Variants in GSE1 observed in about 807,000 individuals in gnomAD.
GSE1 encodes the protein genetic suppressor element 1.
A neutral mutation model predicts 112.6 loss-of-function variants in GSE1; 32 were observed. The observed-to-expected ratio is 0.28, with a 90% CI of 0.21 to 0.38. GSE1 has a LOEUF of 0.38. Among genes scored for constraint, GSE1 ranks in the 10% least tolerant of loss-of-function variants. The probability of loss-of-function intolerance (pLI) is 1.00; values close to 1 mark genes in which losing one functional copy is unlikely to be tolerated. For synonymous variants in GSE1, 1,115 were observed against 735.6 expected (o/e 1.52, Z -8.35); for missense variants, 2,348 against 1,699.2 (o/e 1.38, Z -6.71).
At chr16:85,225,671 G>C (rs1168150457) in intron 1 of GSE1, among the ~76,000 whole-genome samples, 1 of 152,192 alleles carries the variant, frequency 6.6e-6, no homozygotes, top group African/African-American at 2.4e-5. Flanking sequence ...TGGCCATTCT[G>C]ACACCACTCT....
chr16:85,565,175 A>C (rs1028907480), intron 1 of GSE1, among the ~76,000 whole-genome samples: 18 of 152,092 alleles, frequency 1.2e-4, no homozygotes, highest in African/African-American at 4.3e-4. Context: ...GTGGATCACG[A>C]GGTCACGAGT....
intron 2 of GSE1, among the ~76,000 whole-genome samples, chr16:85,447,673 G>A (rs1290803237): frequency 6.6e-6 from 1 of 152,196 alleles, no homozygotes; most frequent in Admixed American, 6.5e-5. Flanking sequence ...AGGCTCTGTG[G>A]GGCTCGGAGC....
chr16:85,339,397 C>T (rs1187609297), intron 1 of GSE1, among the ~76,000 whole-genome samples: 1 of 152,100 alleles, frequency 6.6e-6, no homozygotes, highest in East Asian at 1.9e-4. Flanking sequence ...GCGGTGCTGA[C>T]GAGGCCCTGG....
intron 1 of GSE1, among the ~76,000 whole-genome samples, chr16:85,230,122 C>G (rs1904274641): frequency 6.6e-6 from 1 of 152,240 alleles, no homozygotes; most frequent in South Asian, 2.1e-4. Flanking sequence ...GAGCCCTGCA[C>G]TGTAAGTGGT....
chr16:85,394,359 A>C (rs747406453), intron 2 of GSE1, among the ~76,000 whole-genome samples: 4 of 152,170 alleles, frequency 2.6e-5, no homozygotes, highest in Non-Finnish European at 5.9e-5. Context: ...ACGCTGCTCT[A>C]ATTTGATGGG....
chr16:85,271,421 C>G (rs1908823074), intron 1 of GSE1, among the ~76,000 whole-genome samples: 1 of 152,204 alleles, frequency 6.6e-6, no homozygotes, highest in South Asian at 2.1e-4. Flanking sequence ...TATTCAGAAT[C>G]TGGTACAGGA....
chr16:85,447,796 G>A (rs1284572786), intron 2 of GSE1, among the ~76,000 whole-genome samples: 2 of 152,234 alleles, frequency 1.3e-5, no homozygotes, highest in Admixed American at 6.5e-5. Flanking sequence ...TAGGTGTGAG[G>A]TCAGACCCTG....
intron 1 of GSE1, among the ~76,000 whole-genome samples, chr16:85,585,918 C>G (rs2046670370): frequency 6.6e-6 from 1 of 152,140 alleles, no homozygotes; most frequent in Non-Finnish European, 1.5e-5. Flanking sequence ...GCTGTGTGAC[C>G]TTGGGCAAGT....
chr16:85,250,009 G>C (rs1906289608), intron 1 of GSE1, among the ~76,000 whole-genome samples: 1 of 152,222 alleles, frequency 6.6e-6, no homozygotes, highest in Non-Finnish European at 1.5e-5. Flanking sequence ...AGCTGTTGCG[G>C]GGTCCTCTGG....
At chr16:85,602,743 T>C (rs2047521220) in intron 1 of GSE1, among the ~76,000 whole-genome samples, 1 of 152,162 alleles carries the variant, frequency 6.6e-6, no homozygotes, top group East Asian at 1.9e-4. Flanking sequence ...AGACAGTTCC[T>C]CCCGGGCTTT....
chr16:85,295,235 G>A (rs972067164), intron 1 of GSE1, among the ~76,000 whole-genome samples: 1 of 152,234 alleles, frequency 6.6e-6, no homozygotes, highest in African/African-American at 2.4e-5. Flanking sequence ...TTCTGCCTGA[G>A]GATGGCCTGT....
At chr16:85,615,854 G>C (rs1365599821) in intron 1 of GSE1, among the ~76,000 whole-genome samples, 1 of 152,240 alleles carries the variant, frequency 6.6e-6, no homozygotes, top group Non-Finnish European at 1.5e-5. Context: ...GGGGTTGTCA[G>C]AGCTCCCCAG....
At chr16:85,651,439 C>G (rs1267304987) in intron 3 of GSE1, among the ~76,000 whole-genome samples, 3 of 152,146 alleles carry the variant, frequency 2.0e-5, no homozygotes, top group Non-Finnish European at 4.4e-5. Context: ...TTGTCCTCAG[C>G]CAGGCCAGGA....
At chr16:85,341,707 C>T (rs986718393) in intron 1 of GSE1, among the ~76,000 whole-genome samples, 5 of 151,978 alleles carry the variant, frequency 3.3e-5, no homozygotes, top group African/African-American at 1.2e-4. Flanking sequence ...GCTATGTTGC[C>T]CAGGCTGGTC....
intron 1 of GSE1, among the ~76,000 whole-genome samples, chr16:85,227,195 A>G (rs1370784477): frequency 6.6e-6 from 1 of 152,190 alleles, no homozygotes; most frequent in Non-Finnish European, 1.5e-5. Flanking sequence ...TGCTGAAGAC[A>G]TAGCAATGAA....
chr16:85,414,895 C>G (rs764807113), intron 2 of GSE1, among the ~76,000 whole-genome samples: 1 of 152,206 alleles, frequency 6.6e-6, no homozygotes, highest in Non-Finnish European at 1.5e-5. Context: ...CTCGGCCTCC[C>G]AAAGTGCTGG....
intron 2 of GSE1, among the ~76,000 whole-genome samples, chr16:85,522,844 T>C (rs74763046): frequency 6.6e-6 from 1 of 152,216 alleles, no homozygotes; most frequent in African/African-American, 2.4e-5. Flanking sequence ...GAGTATGTTG[T>C]GTATGGGTGT....
chr16:85,629,984 C>A (rs1401632842), intron 1 of GSE1, among the ~76,000 whole-genome samples: 1 of 152,170 alleles, frequency 6.6e-6, no homozygotes, highest in African/African-American at 2.4e-5. Context: ...GGTTCTGGCT[C>A]AGGGTCTGTG....
upstream of GSE1, chr16:85,613,117 T>G: frequency 3.9e-6 from 4 of 1,027,448 alleles, no homozygotes; most frequent in Admixed American, 4.4e-5. Flanking sequence ...CGCGCGCCTG[T>G]GTGTTTGCGG....
Sources: gnomAD v4.1 joint callset for allele counts (sites outside exome capture counted in the v4.1 genomes callset) on GRCh38, gnomAD v4.1.1 for gene constraint, MANE v1.5 for transcripts, NCBI Gene and HGNC (gene_info 2026-07-23, HGNC 2026-07-21) for gene names.